Variants in RSPH14 observed in about 807,000 individuals in gnomAD.
The protein encoded by RSPH14 is radial spoke head 14 homolog, also known as rhabdoid tumor deletion region gene 1.
RSPH14 carries 20 observed loss-of-function variants against 26.7 expected under a neutral mutation model. The ratio of observed to expected loss-of-function variants is 0.75; its 90% confidence interval spans 0.53 to 1.09. The LOEUF (loss-of-function observed/expected upper bound fraction) is 1.09. Ranked by LOEUF, RSPH14 falls within the 50% of genes least tolerant of loss-of-function variation. The pLI is 0.00. For synonymous variants in RSPH14, 177 were observed against 189.3 expected, an observed-to-expected ratio of 0.93 and a Z score of 0.53; for missense variants, 449 against 457.2, an observed-to-expected ratio of 0.98 and a Z score of 0.16.
At chr22:23,096,522 C>T in intron 4 of RSPH14, 1 of 1,226,490 alleles carries the variant, frequency 8.2e-7, no homozygotes, top group Non-Finnish European at 1.1e-6. Flanking sequence ...AGAAAGGGAA[C>T]CAGGCGCAGG....
chr22:23,140,289 C>G lies in RSPH14; in HGVS notation c.132G>C (p.Gln44His). Residue 44 changes from glutamine (Q) to histidine (H), a missense_variant, in exon 2 of 7, where the codon CAG (glutamine) becomes CAC (histidine). Physicochemically the swap from Gln to His is conservative, Grantham distance 24. Transcript: ENST00000216036. ...GGTCACACAAGGCCATGAGGGCTTTCTGCCTCGTCTGGAGGTCCTCTGACT... is the reference window on the plus strand; with the variant it reads ...GGTCACACAAGGCCATGAGGGCTTTGTGCCTCGTCTGGAGGTCCTCTGACT... ...ELQSEDLQTR[Q>H]KALMALCDLM... 1 of 1,614,200 alleles carries G rather than the reference C, an allele frequency of 6.2e-7. No homozygotes were observed. Among genetic ancestry groups the G allele is most frequent in the African/African-American group, 1.3e-5 (1 of 75,052 alleles).
intron 4 of RSPH14, among the ~76,000 whole-genome samples, chr22:23,070,972 AGG>A (rs2068353830): frequency 6.6e-6 from 1 of 151,756 alleles, no homozygotes; most frequent in South Asian, 2.1e-4. Flanking sequence ...GGGTCTCCCT[AGG>A]GGGAGGATCA....
chr22:23,110,553 A>T (rs1310015607), intron 4 of RSPH14, among the ~76,000 whole-genome samples: 2 of 152,172 alleles, frequency 1.3e-5, no homozygotes, highest in African/African-American at 4.8e-5. Flanking sequence ...TACCCTCGCT[A>T]CCAGAGACCC....
chr22:23,140,027 C>G (rs2070561319), intron 2 of RSPH14, among the ~76,000 whole-genome samples, 195 bp downstream of exon 2: 2 of 152,216 alleles, frequency 1.3e-5, no homozygotes, highest in Non-Finnish European at 2.9e-5. Context: ...TGCCACTGCA[C>G]TCTAGTCTGG....
At chr22:23,088,953 C>G (rs1316760510) in intron 4 of RSPH14, among the ~76,000 whole-genome samples, 2 of 152,224 alleles carry the variant, frequency 1.3e-5, no homozygotes, top group Non-Finnish European at 2.9e-5. Flanking sequence ...CAGTCACAGT[C>G]TGGGTACAGT....
At chr22:23,072,914 C>G (rs1283757044) in intron 4 of RSPH14, among the ~76,000 whole-genome samples, 1 of 152,224 alleles carries the variant, frequency 6.6e-6, no homozygotes, top group East Asian at 1.9e-4. Flanking sequence ...GCTTCTAGAA[C>G]AATTCCAGGA....
At chr22:23,176,028 A>G in the RSPH14 span, among the ~76,000 whole-genome samples, 41,770 of 152,076 alleles carry the variant, frequency 0.27, 5,887 homozygotes, top group East Asian at 0.35. Context: ...GCAGGGGGAG[A>G]GTCTCCAGCC....
intron 4 of RSPH14, among the ~76,000 whole-genome samples, chr22:23,077,194 AC>A (rs2146258517): frequency 6.6e-6 from 1 of 151,812 alleles, no homozygotes; most frequent in East Asian, 1.9e-4. Flanking sequence ...GCTTTAACCC[AC>A]CCTATCTCTC....
chr22:23,096,675 G>A lies in RSPH14; in HGVS notation c.422-32542C>T, dbSNP rs370826950. On this transcript the variant is annotated intron_variant, in intron 4 of 6. Transcript: ENST00000216036. Reference sequence around the variant, plus strand: ...GGGCAAGAGAGTGTGAGGCTCCGCCGGGCATCCATGATCAATCCATGTGAT... The same window carrying A: ...GGGCAAGAGAGTGTGAGGCTCCGCCAGGCATCCATGATCAATCCATGTGAT... Among the ~76,000 whole-genome samples the A allele has an allele frequency of 2.0e-5, 3 of 152,288 alleles. No homozygotes were observed. In the South Asian group the frequency reaches 6.2e-4, roughly 32 times the overall value.
rs370722403 is a variant in RSPH14 at position 23,061,989 on chromosome 22, G to A, written c.654-44C>T. 5.6e-6 allele frequency: 9 copies of A among 1,610,998 alleles called. No homozygotes were observed. The South Asian group carries it at 6.6e-5, about 12-fold the overall frequency. ...AGAGAGGGGCTCTGCTTGGAAGGGA[G>A]AAGAGGCGCAAGGCCCAGGAGTGCC... On this transcript the variant is annotated intron_variant, in intron 5 of 6. Transcript: ENST00000216036.
At chr22:23,131,809 G>T in intron 4 of RSPH14, 2 of 460,738 alleles carry the variant, frequency 4.3e-6, no homozygotes, top group Non-Finnish European at 4.5e-6. Context: ...TCAGAAATAT[G>T]TGTGCAGGGC....
At chr22:23,170,547 G>C in the RSPH14 span, among the ~76,000 whole-genome samples, 46 of 151,204 alleles carry the variant, frequency 3.0e-4, no homozygotes, top group African/African-American at 1.1e-3. Context: ...TCAGGAGTTT[G>C]AGAGAAGCTT....
At chr22:23,176,571 G>A in the RSPH14 span, among the ~76,000 whole-genome samples, 1 of 152,068 alleles carries the variant, frequency 6.6e-6, no homozygotes, top group Non-Finnish European at 1.5e-5. Context: ...GCCAGACTTT[G>A]TCGCCCCCAC....
At chr22:23,120,150 C>A (rs1203175609) in intron 4 of RSPH14, among the ~76,000 whole-genome samples, 4 of 152,178 alleles carry the variant, frequency 2.6e-5, no homozygotes, top group African/African-American at 7.2e-5. Context: ...ACCTGAGTTT[C>A]CATGACCTCT....
At chr22:23,155,791 G>A in the RSPH14 span, among the ~76,000 whole-genome samples, 1 of 152,216 alleles carries the variant, frequency 6.6e-6, no homozygotes, top group Non-Finnish European at 1.5e-5. Flanking sequence ...ACCCTAGGAA[G>A]AGATCATAAG....
chr22:23,180,046 G>A, the RSPH14 span: 2 of 364,496 alleles, frequency 5.5e-6, no homozygotes, highest in South Asian at 3.3e-5. Flanking sequence ...CTGCGGCGTG[G>A]TAGGGGCAGA....
At chr22:23,092,855 G>A (rs73878640) in intron 4 of RSPH14, among the ~76,000 whole-genome samples, 1,785 of 152,330 alleles carry the variant, frequency 0.012, 42 homozygotes, top group African/African-American at 0.04. Context: ...ATTTTCAAAC[G>A]TGGAATTGAG....
chr22:23,095,682 G>A (rs369758092), intron 4 of RSPH14: 138 of 1,591,982 alleles, frequency 8.7e-5, no homozygotes, highest in South Asian at 2.0e-4. Context: ...GTCTGGGCCC[G>A]CTGCTGCCAG....
the RSPH14 span, among the ~76,000 whole-genome samples, chr22:23,156,689 TACA>T: frequency 4.6e-5 from 7 of 152,336 alleles, no homozygotes; most frequent in East Asian, 9.7e-4. Flanking sequence ...GTGAAAAAGT[TACA>T]ACATTTTCTT....
Sources: gnomAD v4.1 joint callset for allele counts (sites outside exome capture counted in the v4.1 genomes callset) on GRCh38, gnomAD v4.1.1 for gene constraint, MANE v1.5 for transcripts, NCBI Gene and HGNC (gene_info 2026-07-23, HGNC 2026-07-21) for gene names.